The following MAST4 variants were observed in gnomAD, a reference collection of about 807,000 sequenced individuals.
MAST4 encodes the protein microtubule associated serine/threonine kinase family member 4, also known as microtubule-associated serine/threonine-protein kinase 4.
In MAST4, 89 loss-of-function variants were observed where a neutral mutation model predicts 162.7. The ratio of observed to expected loss-of-function variants is 0.55; its 90% confidence interval spans 0.46 to 0.65. The LOEUF is 0.65. Ranked by LOEUF, MAST4 falls within the 30% of genes least tolerant of loss-of-function variation. The pLI is 0.00. For synonymous variants in MAST4, 1,479 were observed against 1,361.1 expected (o/e 1.09, Z -1.91); for missense variants, 3,153 against 3,374.0 (o/e 0.93, Z 1.62).
intron 3 of MAST4, among the ~76,000 whole-genome samples, chr5:66,853,082 A>G (rs1350417753): frequency 3.3e-5 from 5 of 152,240 alleles, no homozygotes; most frequent in African/African-American, 1.2e-4. Context: ...TCTATTCCTT[A>G]GTTCATGGCC....
rs57743987 is a variant in MAST4, at chr5:66,789,988, A to ATT, written c.642+1223_642+1224dup. Among the ~76,000 whole-genome samples, 411 of 52,458 alleles carry ATT rather than the reference A, an allele frequency of 7.8e-3. 26 individuals are homozygous for ATT. Among genetic ancestry groups the ATT allele is most frequent in the African/African-American group, 0.012 (101 of 8,752 alleles). 34.4% of individuals were successfully genotyped at this position (52,458 alleles called of 152,430 possible). A position where few individuals can be genotyped will look rare whatever the true frequency, so the allele number is the denominator to read the frequency against. Reference sequence around the variant, plus strand: ...CTTTATGTTTAACATGCTTATTAGAATTTTTTTTTTTTTTTTTTTTTTTTT... The same window carrying ATT: ...CTTTATGTTTAACATGCTTATTAGAATTTTTTTTTTTTTTTTTTTTTTTTTTT... On this transcript the variant is annotated intron_variant, in intron 3 of 28. Transcript: ENST00000403625.
intron 3 of MAST4, among the ~76,000 whole-genome samples, chr5:66,837,529 G>C (rs955065632): frequency 6.6e-6 from 1 of 151,912 alleles, no homozygotes; most frequent in Admixed American, 6.6e-5. Context: ...ATTTTGTGCT[G>C]TCTTTTGGAA....
chr5:66,629,716 A>G (rs1049305097), intron 1 of MAST4, among the ~76,000 whole-genome samples: 2 of 152,206 alleles, frequency 1.3e-5, no homozygotes, highest in Non-Finnish European at 2.9e-5. Context: ...AGCTGATGAA[A>G]GAATGGGAAC....
intron 3 of MAST4, among the ~76,000 whole-genome samples, chr5:66,883,673 C>T (rs1472747177): frequency 6.6e-6 from 1 of 152,042 alleles, no homozygotes; most frequent in Non-Finnish European, 1.5e-5. Flanking sequence ...GTGATCCACC[C>T]ACCTTGGCCT....
chr5:66,936,901 C>T (rs1006566171), intron 4 of MAST4, among the ~76,000 whole-genome samples: 1 of 152,066 alleles, frequency 6.6e-6, no homozygotes, highest in African/African-American at 2.4e-5. Flanking sequence ...CTTAGATAAC[C>T]TTCAGCACTG....
intron 1 of MAST4, among the ~76,000 whole-genome samples, chr5:66,702,847 A>G (rs1426390030): frequency 6.6e-6 from 1 of 152,280 alleles, no homozygotes; most frequent in East Asian, 1.9e-4. Context: ...GAGTAATATA[A>G]TTCAACTTAA....
chr5:67,034,840 A>G (rs1339445206), intron 4 of MAST4, among the ~76,000 whole-genome samples: 3 of 152,208 alleles, frequency 2.0e-5, no homozygotes, highest in African/African-American at 4.8e-5. Flanking sequence ...GTCTAGCACT[A>G]TAAAAATTGT....
intron 1 of MAST4, among the ~76,000 whole-genome samples, chr5:66,616,812 C>T (rs368977519): frequency 7.9e-5 from 12 of 152,314 alleles, no homozygotes; most frequent in Non-Finnish European, 1.6e-4. Flanking sequence ...AAGACTTCCT[C>T]GTGTAAATAA....
At chr5:67,054,304 A>G in intron 4 of MAST4, 100 bp from the exon 5 acceptor site, 1 of 829,482 alleles carries the variant, frequency 1.2e-6, no homozygotes. Flanking sequence ...TAACATGAGC[A>G]GATAGGTTGC....
chr5:66,715,331 C>T (rs943679671), intron 1 of MAST4, among the ~76,000 whole-genome samples: 1 of 151,978 alleles, frequency 6.6e-6, no homozygotes, highest in African/African-American at 2.4e-5. Context: ...CTGAACATGA[C>T]CCTGAACAGT....
At chr5:66,737,749 A>G (rs184804736) in intron 1 of MAST4, among the ~76,000 whole-genome samples, 120 of 152,270 alleles carry the variant, frequency 7.9e-4, no homozygotes, top group African/African-American at 2.8e-3. Context: ...TTTTGCTAAT[A>G]TTGATCACTC....
rs147457372 is a variant in MAST4, at chr5:66,926,480, G to A, written c.674+26498G>A. Among the ~76,000 whole-genome samples the A allele has an allele frequency of 3.9e-5, 6 of 152,302 alleles. No individual in the cohort carries two copies. The East Asian group carries it at 1.2e-3, about 29-fold the overall frequency. On this transcript the variant is annotated intron_variant, in intron 4 of 28. Coordinates refer to ENST00000403625, the MANE Select transcript of MAST4 (RefSeq NM_001164664.2). ...GAGAATTGCTTGTACCTGGGAAGCAGAGGTTGCAGTTAGCTGAGATCGTGC... is the reference window on the plus strand; with the variant it reads ...GAGAATTGCTTGTACCTGGGAAGCAAAGGTTGCAGTTAGCTGAGATCGTGC...
At chr5:67,123,242 G>T (rs1767793920) in intron 14 of MAST4, among the ~76,000 whole-genome samples, 1 of 152,272 alleles carries the variant, frequency 6.6e-6, no homozygotes, top group Admixed American at 6.5e-5. Context: ...GTGGAGCTGG[G>T]AACTAACCCT....
chr5:66,622,282 A>G (rs1744125026), intron 1 of MAST4, among the ~76,000 whole-genome samples: 1 of 152,204 alleles, frequency 6.6e-6, no homozygotes. Flanking sequence ...GAGATGGAAC[A>G]TATCTGGAGA....
intron 6 of MAST4, among the ~76,000 whole-genome samples, chr5:67,091,547 C>T (rs766602881): frequency 2.3e-4 from 35 of 152,118 alleles, no homozygotes; most frequent in Non-Finnish European, 2.9e-4. Flanking sequence ...TGCTACTATT[C>T]CAAGTGGAAA....
intron 3 of MAST4, among the ~76,000 whole-genome samples, chr5:66,857,056 C>A (rs1759740148): frequency 6.6e-6 from 1 of 152,034 alleles, no homozygotes; most frequent in Non-Finnish European, 1.5e-5. Flanking sequence ...ACCGAAAACC[C>A]CTCCTCAGTC....
intron 1 of MAST4, among the ~76,000 whole-genome samples, chr5:66,619,285 C>T (rs1451084407): frequency 6.6e-6 from 1 of 152,088 alleles, no homozygotes; most frequent in Non-Finnish European, 1.5e-5. Flanking sequence ...TGCTGTGCCA[C>T]CCTCAGAGTA....
chr5:66,835,426 TG>T (rs1757897040), intron 3 of MAST4, among the ~76,000 whole-genome samples: 1 of 152,196 alleles, frequency 6.6e-6, no homozygotes, highest in Non-Finnish European at 1.5e-5. Flanking sequence ...GTTAATCTTA[TG>T]GTCCCTTTTT....
intron 1 of MAST4, among the ~76,000 whole-genome samples, chr5:66,746,011 C>A (rs1030863673): frequency 3.2e-4 from 48 of 152,138 alleles, no homozygotes; most frequent in African/African-American, 9.9e-4. Flanking sequence ...AATTTGGGTT[C>A]TGGTCTGCGT....
Sources: allele counts gnomAD v4.1 joint callset (sites outside exome capture counted in the v4.1 genomes callset), GRCh38; gene constraint gnomAD v4.1.1; transcripts MANE v1.5; gene names NCBI Gene and HGNC (gene_info 2026-07-23, HGNC 2026-07-21).